The following DOCK5 variants were observed in gnomAD, a reference collection of about 807,000 sequenced individuals.
DOCK5 encodes the protein dedicator of cytokinesis protein 5.
Under a neutral mutation model 251.8 loss-of-function variants are expected in DOCK5, and 142 were observed. The observed-to-expected ratio is 0.56, with a 90% CI of 0.49 to 0.65. The LOEUF is 0.65. Among genes scored for constraint, DOCK5 ranks in the 30% least tolerant of loss-of-function variants. DOCK5 has a pLI of 0.00. For synonymous variants in DOCK5, 842 were observed against 835.5 expected, an observed-to-expected ratio of 1.01 and a Z score of -0.13; for missense variants, 2,111 against 2,312.3, an observed-to-expected ratio of 0.91 and a Z score of 1.79.
rs1803696759 is a variant in DOCK5, at chr8:25,264,885, C to T, written c.128-3960C>T. Reference sequence around the variant, plus strand: ...AGGCATGATGACATTTGAAACCCTCCAACGCTTCCTGCTGTACTTAGAATA... The same window carrying T: ...AGGCATGATGACATTTGAAACCCTCTAACGCTTCCTGCTGTACTTAGAATA... On this transcript the variant is annotated intron_variant, in intron 2 of 51. Transcript: ENST00000276440. 1.3e-5 allele frequency among the ~76,000 whole-genome samples: 2 copies of T among 151,922 alleles called. 1 individual carries two copies. Among genetic ancestry groups the T allele is most frequent in the African/African-American group, 4.9e-5 (2 of 41,214 alleles).
At chr8:25,296,018 A>T (rs535895080) in intron 6 of DOCK5, among the ~76,000 whole-genome samples, 3 of 152,176 alleles carry the variant, frequency 2.0e-5, no homozygotes, top group East Asian at 1.9e-4. Flanking sequence ...CAGGGTTTCA[A>T]CATGTTGCCC....
intron 1 of DOCK5, among the ~76,000 whole-genome samples, chr8:25,191,100 C>A (rs1728702241): frequency 6.6e-6 from 1 of 152,096 alleles, no homozygotes; most frequent in Admixed American, 6.6e-5. Context: ...TTGTGAGGTA[C>A]CATTCTGAAC....
rs1428772837 is a variant in DOCK5, at chr8:25,296,565, C to A, written c.523C>A (p.Pro175Thr). ...AGATGACAATGGGAACATCCTAGAC[C>A]CTGACGAAACCAGCACCATTGCCCT... ...VRDDNGNILD[P>T]DETSTIALFK... Residue 175 changes from proline to threonine, a missense_variant, in exon 7 of 52, where the codon CCT becomes ACT. Coordinates refer to ENST00000276440, the MANE Select transcript of DOCK5 (RefSeq NM_024940.8). 1 of 1,612,146 alleles carries A rather than the reference C, an allele frequency of 6.2e-7. No individual in the cohort carries two copies. The highest frequency in any genetic ancestry group is 1.1e-5 in the South Asian group (1 of 90,584).
chr8:25,303,275 T>C (rs1344012755), intron 10 of DOCK5, among the ~76,000 whole-genome samples: 3 of 152,186 alleles, frequency 2.0e-5, no homozygotes, highest in African/African-American at 7.2e-5. Flanking sequence ...CTTTCCCCCT[T>C]AGTGCCCAAC....
intron 14 of DOCK5, 112 bp downstream of exon 14, chr8:25,317,243 C>T (rs1805277238): frequency 1.3e-6 from 2 of 1,488,438 alleles, no homozygotes; most frequent in African/African-American, 2.8e-5. Flanking sequence ...TTGATTTTTC[C>T]TGAGAAAAGA....
chr8:25,216,034 G>A (rs553119278), intron 1 of DOCK5, among the ~76,000 whole-genome samples: 13 of 150,350 alleles, frequency 8.6e-5, no homozygotes, highest in South Asian at 2.1e-4. Flanking sequence ...ATGTATATAC[G>A]TGTATACAAT....
In DOCK5 at chr8:25,410,103, C is replaced by A; in HGVS notation, c.5409C>A (p.Ser1803=). 1 of 1,612,874 alleles carries A rather than the reference C, an allele frequency of 6.2e-7. No individual in the cohort carries two copies. Among genetic ancestry groups the A allele is most frequent in the Non-Finnish European group, 8.5e-7 (1 of 1,179,416 alleles). Residue 1803 remains serine (S), a synonymous_variant, in exon 51 of 52, where the codon TCC becomes TCA. Coordinates refer to ENST00000276440, the MANE Select transcript of DOCK5 (RefSeq NM_024940.8). ...LTPKATRTLS[S]PSLQTDGIAA... is the part of the protein sequence containing the mutation. ...TGCACTTTCTGTCATTTCTAGGCTC[C>A]CCATCGTTGCAGACAGATGGAATCG...
At chr8:25,234,931 C>G (rs564254891) in intron 1 of DOCK5, among the ~76,000 whole-genome samples, 2 of 152,096 alleles carry the variant, frequency 1.3e-5, no homozygotes, top group South Asian at 4.1e-4. Flanking sequence ...TTTCATTGAC[C>G]GACTCCCACT....
intron 16 of DOCK5, 150 bp from the exon 17 acceptor site, chr8:25,323,698 C>A: frequency 1.3e-6 from 1 of 770,450 alleles, no homozygotes; most frequent in Non-Finnish European, 2.1e-6. Context: ...TTCAGTGGCA[C>A]ATGGTACGTG....
At chr8:25,229,697 A>C (rs1342815052) in intron 1 of DOCK5, among the ~76,000 whole-genome samples, 2 of 152,160 alleles carry the variant, frequency 1.3e-5, no homozygotes, top group Non-Finnish European at 2.9e-5. Flanking sequence ...AAAATATATC[A>C]GAGGGTCATT....
intron 1 of DOCK5, among the ~76,000 whole-genome samples, chr8:25,193,912 G>A (rs548070941): frequency 1.4e-4 from 21 of 152,226 alleles, no homozygotes; most frequent in African/African-American, 4.8e-4. Flanking sequence ...TGGTTTTAAG[G>A]TTCCATGTAT....
chr8:25,285,184 C>T (rs1215906679), intron 5 of DOCK5, among the ~76,000 whole-genome samples: 1 of 151,814 alleles, frequency 6.6e-6, no homozygotes, highest in Admixed American at 6.6e-5. Flanking sequence ...TCATTATTCT[C>T]GCCCAGGCTG....
intron 1 of DOCK5, among the ~76,000 whole-genome samples, chr8:25,234,595 T>C (rs1802748278): frequency 6.6e-6 from 1 of 152,204 alleles, no homozygotes; most frequent in Non-Finnish European, 1.5e-5. Flanking sequence ...AACATTAGCA[T>C]GTGTACCTTT....
At chr8:25,254,464 G>A (rs965154079) in intron 2 of DOCK5, among the ~76,000 whole-genome samples, 3 of 151,996 alleles carry the variant, frequency 2.0e-5, no homozygotes, top group African/African-American at 7.2e-5. Flanking sequence ...GCCACAGTAT[G>A]GAAGAAAATT....
intron 1 of DOCK5, among the ~76,000 whole-genome samples, chr8:25,205,695 C>T (rs1291823480): frequency 6.6e-6 from 1 of 152,170 alleles, no homozygotes; most frequent in Non-Finnish European, 1.5e-5. Flanking sequence ...GGGCCCAAAT[C>T]AGCTGGTGAA....
At chr8:25,365,711 G>A (rs1051900439) in intron 30 of DOCK5, among the ~76,000 whole-genome samples, 6 of 152,208 alleles carry the variant, frequency 3.9e-5, no homozygotes, top group African/African-American at 1.2e-4. Flanking sequence ...GCCACAGAGT[G>A]CAAAGGGGTA....
At chr8:25,382,547 G>A in intron 39 of DOCK5, 127 bp from the exon 40 acceptor site, 3 of 727,568 alleles carry the variant, frequency 4.1e-6, no homozygotes, top group Admixed American at 5.8e-5. Flanking sequence ...TCTGCCCATA[G>A]GGTGTTTTCC....
intron 1 of DOCK5, among the ~76,000 whole-genome samples, chr8:25,222,207 G>T (rs1033269033): frequency 6.6e-6 from 1 of 152,076 alleles, no homozygotes; most frequent in Admixed American, 6.6e-5. Flanking sequence ...TTAATGCTTT[G>T]GTTTGCTTTC....
intron 8 of DOCK5, among the ~76,000 whole-genome samples, chr8:25,299,825 G>T (rs1475076996): frequency 2.6e-5 from 4 of 152,144 alleles, no homozygotes; most frequent in Non-Finnish European, 5.9e-5. Flanking sequence ...TGAGAAGATA[G>T]TTAAAAGTAA....
Sources: gnomAD v4.1 joint callset for allele counts (sites outside exome capture counted in the v4.1 genomes callset) on GRCh38, gnomAD v4.1.1 for gene constraint, MANE v1.5 for transcripts, NCBI Gene and HGNC (gene_info 2026-07-23, HGNC 2026-07-21) for gene names.